KLHL13: variants seen among roughly 807,000 people sequenced by gnomAD.
KLHL13 encodes the protein kelch-like protein 13.
Under a neutral mutation model 37.1 loss-of-function variants are expected in KLHL13, and 10 were observed. The ratio of observed to expected loss-of-function variants is 0.27; its 90% confidence interval spans 0.17 to 0.46. The LOEUF (loss-of-function observed/expected upper bound fraction) is 0.46. Ranked by LOEUF, KLHL13 falls within the 20% of genes least tolerant of loss-of-function variation. The probability of loss-of-function intolerance (pLI) is 1.00; values close to 1 mark genes in which losing one functional copy is unlikely to be tolerated. For synonymous variants in KLHL13, 163 were observed against 181.2 expected (o/e 0.90, Z 0.81); for missense variants, 360 against 509.3 (o/e 0.71, Z 2.82).
In KLHL13 at chrX:117,918,174, T is replaced by C. The variant is rs189006960; in HGVS notation, c.570+1347A>G. 6.7e-3 allele frequency among the ~76,000 whole-genome samples: 753 copies of C among 111,944 alleles called. 27 individuals are homozygous for C. The highest frequency in any genetic ancestry group is 0.065 in the Admixed American group (678 of 10,499). Reference sequence around the variant, plus strand: ...AATACAAGTCAACAATATAGCACCATGCTGCCATAAAAACCCTTAAAAGTA... The same window carrying C: ...AATACAAGTCAACAATATAGCACCACGCTGCCATAAAAACCCTTAAAAGTA... On this transcript the variant is annotated intron_variant, in intron 4 of 6. Transcript: ENST00000262820.
chrX:118,041,834 GA>G (rs2054509639), intron 1 of KLHL13, among the ~76,000 whole-genome samples: 1 of 111,635 alleles, frequency 9.0e-6, no homozygotes, highest in African/African-American at 3.2e-5. Context: ...AAAACAACCA[GA>G]AAACAAATAA....
chrX:118,110,587 C>A (rs1301822594), intron 1 of KLHL13, among the ~76,000 whole-genome samples: 1 of 109,762 alleles, frequency 9.1e-6, no homozygotes, highest in African/African-American at 3.3e-5. Context: ...CCATGTTGGT[C>A]AGGATGGTCT....
chrX:117,989,408 G>A (rs1456674113), intron 1 of KLHL13, among the ~76,000 whole-genome samples: 1 of 106,842 alleles, frequency 9.4e-6, no homozygotes, highest in African/African-American at 3.4e-5. Flanking sequence ...CCTCTGTATT[G>A]TATTAATATT....
At chrX:117,932,007 T>C (rs1223445635) in intron 2 of KLHL13, among the ~76,000 whole-genome samples, 2 of 111,524 alleles carry the variant, frequency 1.8e-5, no homozygotes, top group African/African-American at 3.3e-5. Context: ...CTAAGCTCTT[T>C]ATATGTATTA....
chrX:117,965,589 G>C (rs2053409076), intron 1 of KLHL13, among the ~76,000 whole-genome samples: 1 of 111,010 alleles, frequency 9.0e-6, no homozygotes, highest in African/African-American at 3.3e-5. Flanking sequence ...AAGTCCGGCA[G>C]AGACACAACA....
intron 1 of KLHL13, among the ~76,000 whole-genome samples, chrX:118,097,075 C>A (rs2055217099): frequency 2.7e-5 from 3 of 110,973 alleles, no homozygotes; most frequent in Admixed American, 1.9e-4. Context: ...GAAGTTCTGG[C>A]CAGGGCAATC....
intron 1 of KLHL13, among the ~76,000 whole-genome samples, chrX:118,010,658 T>G (rs1482039293): frequency 1.1e-5 from 1 of 90,422 alleles, no homozygotes; most frequent in Non-Finnish European, 2.2e-5. Flanking sequence ...AGTTAGTGGG[T>G]GCAGCGCACC....
At position 117,993,333 on chromosome X, in the gene KLHL13, C is replaced by T. The variant is rs193231866; in HGVS notation, c.-55-47758G>A. Among the ~76,000 whole-genome samples, 173 of 112,029 alleles carry T rather than the reference C, an allele frequency of 1.5e-3. 2 individuals are homozygous for T. Among genetic ancestry groups the T allele is most frequent in the African/African-American group, 5.4e-3 (168 of 30,840 alleles). On this transcript the variant is annotated intron_variant, in intron 1 of 6. Transcript: ENST00000371882. ...TAGGAGACAAAATTGACAGGATTTA[C>T]TGACTGGAGATGATGATAATGGCTA...
chrX:118,103,858 T>A (rs756313084), intron 1 of KLHL13, among the ~76,000 whole-genome samples: 7 of 102,235 alleles, frequency 6.8e-5, no homozygotes, highest in Non-Finnish European at 1.3e-4. Context: ...GTGGCCGAAT[T>A]TTTTTTAATT....
At chrX:118,014,959 A>G (rs1351975073) in intron 1 of KLHL13, among the ~76,000 whole-genome samples, 3 of 112,581 alleles carry the variant, frequency 2.7e-5, no homozygotes, top group Non-Finnish European at 5.6e-5. Flanking sequence ...GATATATAGT[A>G]TAATAAAACA....
chrX:118,096,623 C>A (rs191614187), intron 1 of KLHL13, among the ~76,000 whole-genome samples: 4,483 of 110,904 alleles, frequency 0.04, 230 homozygotes, highest in African/African-American at 0.14. Flanking sequence ...GAGACACAAC[C>A]AAAAAAGAGA....
intron 1 of KLHL13, among the ~76,000 whole-genome samples, chrX:118,007,313 G>A (rs1309785579): frequency 9.7e-6 from 1 of 103,056 alleles, no homozygotes; most frequent in Non-Finnish European, 2.0e-5. Context: ...GGAGGCTGAG[G>A]TGGGAGAATC....
chrX:117,994,075 T>A (rs1444068850), intron 1 of KLHL13, among the ~76,000 whole-genome samples: 1 of 111,889 alleles, frequency 8.9e-6, no homozygotes, highest in East Asian at 2.8e-4. Flanking sequence ...TGTTTCTAAT[T>A]TCAAAAGCAA....
At chrX:118,113,239 G>T (rs2055432186) in intron 1 of KLHL13, among the ~76,000 whole-genome samples, 3 of 111,369 alleles carry the variant, frequency 2.7e-5, no homozygotes, top group Non-Finnish European at 3.8e-5. Context: ...TGATCATAGA[G>T]TTTTTTTTAT....
At chrX:117,927,062 C>T (rs762739989) in intron 2 of KLHL13, among the ~76,000 whole-genome samples, 2 of 108,371 alleles carry the variant, frequency 1.8e-5, no homozygotes, top group South Asian at 4.2e-4. Context: ...CATGCCGCCA[C>T]GCCCGGCTAA....
At chrX:117,979,017 G>A (rs1371628741) in intron 1 of KLHL13, among the ~76,000 whole-genome samples, 1 of 110,701 alleles carries the variant, frequency 9.0e-6, no homozygotes, top group Non-Finnish European at 1.9e-5. Flanking sequence ...GGCAACTTCC[G>A]CCTCCCAGGT....
At chrX:118,047,305 A>AT (rs2054570377) in intron 1 of KLHL13, among the ~76,000 whole-genome samples, 1 of 112,243 alleles carries the variant, frequency 8.9e-6, no homozygotes, top group Non-Finnish European at 1.9e-5. Flanking sequence ...CAGCACCCAA[A>AT]TATCAGAAAT....
intron 1 of KLHL13, among the ~76,000 whole-genome samples, chrX:117,957,481 T>C (rs1351460900): frequency 3.6e-5 from 4 of 112,110 alleles, no homozygotes; most frequent in African/African-American, 1.3e-4. Flanking sequence ...AAACTACAAA[T>C]TGTTTTGCTT....
At chrX:118,031,570 ATTAGTTATATATATAT>A (rs1254135892) in intron 1 of KLHL13, among the ~76,000 whole-genome samples, 7,006 of 93,612 alleles carry the variant, frequency 0.075, 343 homozygotes, top group African/African-American at 0.11. Context: ...TTATATATAT[ATTAGTTATATATATAT>A]TTAGTTATAT....
Sources: gnomAD v4.1 joint callset for allele counts (sites outside exome capture counted in the v4.1 genomes callset) on GRCh38, gnomAD v4.1.1 for gene constraint, MANE v1.5 for transcripts, NCBI Gene and HGNC (gene_info 2026-07-23, HGNC 2026-07-21) for gene names.